VWA8: variants seen among roughly 807,000 people sequenced by gnomAD.
The protein encoded by VWA8 is von Willebrand factor A domain-containing protein 8.
A neutral mutation model predicts 241.5 loss-of-function variants in VWA8; 221 were observed. The observed-to-expected ratio is 0.91, with a 90% CI of 0.82 to 1.02. The LOEUF (loss-of-function observed/expected upper bound fraction) is 1.02, where lower values mean the gene tolerates loss of function less well. Ranked by LOEUF, VWA8 falls within the 50% of genes least tolerant of loss-of-function variation. VWA8 has a pLI of 0.00. For missense variants in VWA8, 2,322 were observed against 2,328.7 expected (o/e 1.00, Z 0.06); for synonymous variants, 852 against 827.1 (o/e 1.03, Z -0.52).
intron 10 of VWA8, among the ~76,000 whole-genome samples, chr13:41,867,089 G>A (rs897711131): frequency 6.6e-6 from 1 of 152,168 alleles, no homozygotes; most frequent in Non-Finnish European, 1.5e-5. Context: ...AAGCTAACTG[G>A]AAGAGACTAG....
Position 41,883,399 on chromosome 13 carries a change from T to A in VWA8, c.1068A>T (p.Glu356Asp), listed in dbSNP as rs1874358719. The A allele has an allele frequency of 6.2e-7, 1 of 1,612,028 alleles. No individual in the cohort carries two copies. The highest frequency in any genetic ancestry group is 1.3e-5 in the African/African-American group (1 of 74,880). ...AGCAGACACTCACCTTTAAAACACCTTCCACAGCCATCTTCCCTTCATGAC... is the reference window on the plus strand; with the variant it reads ...AGCAGACACTCACCTTTAAAACACCATCCACAGCCATCTTCCCTTCATGAC... ...LLGHEGKMAV[E>D]GVLKRFELQD... The change falls in exon 9 of 45, where the codon GAA (glutamate) becomes GAT (aspartate). Residue 356 changes from glutamate (E) to aspartate (D), a missense_variant. Glu to Asp is a conservative substitution (Grantham distance 45). Transcript: ENST00000379310.
At chr13:41,870,154 T>C (rs1044852313) in intron 9 of VWA8, among the ~76,000 whole-genome samples, 2 of 152,188 alleles carry the variant, frequency 1.3e-5, no homozygotes, top group African/African-American at 4.8e-5. Flanking sequence ...TAAAAAGTTC[T>C]ATATTTCATA....
At chr13:41,666,862 A>T (rs564669726) in intron 37 of VWA8, among the ~76,000 whole-genome samples, 112 of 152,232 alleles carry the variant, frequency 7.4e-4, no homozygotes, top group African/African-American at 2.4e-3. Context: ...TGGCGAGGAG[A>T]CATGGATGGT....
chr13:41,727,088 G>A, intron 24 of VWA8, 106 bp downstream of exon 24: 1 of 839,424 alleles, frequency 1.2e-6, no homozygotes, highest in South Asian at 1.8e-5. Context: ...AGGTGATTAT[G>A]ATGGTGGCAC....
At chr13:41,924,040 T>C (rs1379426152) in intron 2 of VWA8, among the ~76,000 whole-genome samples, 2 of 151,874 alleles carry the variant, frequency 1.3e-5, no homozygotes, top group African/African-American at 2.4e-5. Context: ...AACATAATAA[T>C]TCCCCAGTAA....
intron 12 of VWA8, among the ~76,000 whole-genome samples, chr13:41,860,512 GGAAATA>G (rs1246848531): frequency 6.6e-6 from 1 of 152,084 alleles, no homozygotes; most frequent in Non-Finnish European, 1.5e-5. Flanking sequence ...AAGTGTATCA[GGAAATA>G]GAAAGTCCTG....
chr13:41,770,464 A>C (rs1482791776), intron 20 of VWA8, among the ~76,000 whole-genome samples: 1 of 151,194 alleles, frequency 6.6e-6, no homozygotes, highest in Admixed American at 6.6e-5. Context: ...AAAAGAAAAG[A>C]AACTGTAGTT....
At chr13:41,594,975 T>C (rs926731429) in intron 40 of VWA8, among the ~76,000 whole-genome samples, 2 of 152,136 alleles carry the variant, frequency 1.3e-5, no homozygotes, top group Non-Finnish European at 2.9e-5. Context: ...TCCCAGGCCA[T>C]GCAATTAAAG....
intron 26 of VWA8, among the ~76,000 whole-genome samples, chr13:41,705,062 A>C (rs564053664): frequency 2.6e-5 from 4 of 152,360 alleles, no homozygotes; most frequent in African/African-American, 9.6e-5. Context: ...CAAACATTCT[A>C]GTAGAATATG....
intron 12 of VWA8, among the ~76,000 whole-genome samples, chr13:41,859,534 G>T (rs964802691): frequency 1.7e-4 from 26 of 152,126 alleles, no homozygotes; most frequent in African/African-American, 6.0e-4. Context: ...AGAAGGAAAA[G>T]ATCTCAGATC....
chr13:41,641,201 G>T (rs1375328790), intron 37 of VWA8, among the ~76,000 whole-genome samples: 1 of 152,200 alleles, frequency 6.6e-6, no homozygotes, highest in Non-Finnish European at 1.5e-5. Context: ...GGCAAGATAT[G>T]GCTAGCAGGG....
chr13:41,956,659 C>T (rs1377825294), intron 1 of VWA8, among the ~76,000 whole-genome samples: 1 of 152,166 alleles, frequency 6.6e-6, no homozygotes, highest in Non-Finnish European at 1.5e-5. Context: ...ATTTCCCCTC[C>T]TCAAAGTTAT....
chr13:41,959,850 C>A (rs1351256181), intron 1 of VWA8, among the ~76,000 whole-genome samples: 1 of 151,998 alleles, frequency 6.6e-6, no homozygotes, highest in East Asian at 1.9e-4. Flanking sequence ...CCCCGTGATC[C>A]GCCCGCCTCA....
intron 28 of VWA8, among the ~76,000 whole-genome samples, chr13:41,700,395 A>G (rs2045241936): frequency 6.7e-6 from 1 of 149,682 alleles, no homozygotes; most frequent in East Asian, 1.9e-4. Flanking sequence ...AAAAAGACCT[A>G]TTTTTTTAGG....
chr13:41,770,427 C>T (rs1466917512), intron 20 of VWA8, among the ~76,000 whole-genome samples: 3 of 135,786 alleles, frequency 2.2e-5, no homozygotes, highest in East Asian at 2.1e-4. Context: ...GGCGACAGAG[C>T]GAGACTCCGT....
At position 41,604,894 on chromosome 13, in the gene VWA8, C is replaced by T. The variant is rs12877906; in HGVS notation, c.4986+274G>A. On this transcript the variant is annotated intron_variant, in intron 40 of 44. Transcript: ENST00000379310. Reference sequence around the variant, plus strand: ...GGAGGAGTAGCAGTACCAACTTGTTCCTCAGCATTGAGAGCTTTGTGAAAC... The same window carrying T: ...GGAGGAGTAGCAGTACCAACTTGTTTCTCAGCATTGAGAGCTTTGTGAAAC... 7.3e-3 allele frequency among the ~76,000 whole-genome samples: 1,113 copies of T among 152,196 alleles called. 8 individuals are homozygous for T. The highest frequency in any genetic ancestry group is 0.032 in the South Asian group (156 of 4,816).
At chr13:41,726,747 C>T (rs1438635798) in intron 24 of VWA8, among the ~76,000 whole-genome samples, 1 of 152,160 alleles carries the variant, frequency 6.6e-6, no homozygotes, top group East Asian at 1.9e-4. Flanking sequence ...GCAATCTCAG[C>T]ACTTTGGGAA....
chr13:41,697,985 T>C (rs979729329), intron 29 of VWA8, among the ~76,000 whole-genome samples: 2 of 152,194 alleles, frequency 1.3e-5, no homozygotes, highest in Admixed American at 1.3e-4. Flanking sequence ...TCCTTTTGTC[T>C]AGAACTCTCT....
chr13:41,575,676 C>T (rs2274930), intron 43 of VWA8, 64 bp downstream of exon 43: 19,529 of 1,192,670 alleles, frequency 0.016, 439 homozygotes, highest in East Asian at 0.097. Context: ...TTCAATGAAT[C>T]CTTTTAGTCT....
Sources: allele counts gnomAD v4.1 joint callset (sites outside exome capture counted in the v4.1 genomes callset), GRCh38; gene constraint gnomAD v4.1.1; transcripts MANE v1.5; gene names NCBI Gene and HGNC (gene_info 2026-07-23, HGNC 2026-07-21).